Variants in ASMTL observed in about 807,000 individuals in gnomAD.
The protein encoded by ASMTL is probable bifunctional dTTP/UTP pyrophosphatase/methyltransferase protein.
ASMTL carries 57 observed loss-of-function variants against 60.3 expected under a neutral mutation model. That is an observed-to-expected ratio of 0.95 (90% CI 0.76 to 1.18). The LOEUF is 1.18. Among genes scored for constraint, ASMTL ranks in the 50% most tolerant of loss-of-function variants. The probability of loss-of-function intolerance (pLI) is 0.00; values close to 1 mark genes in which losing one functional copy is unlikely to be tolerated. For missense variants in ASMTL, 981 were observed against 852.6 expected (o/e 1.15, Z -1.88); for synonymous variants, 419 against 373.0 (o/e 1.12, Z -1.42).
intron 1 of ASMTL, among the ~76,000 whole-genome samples, chrX:1,451,640 AGG>A (rs1317191435): frequency 8.1e-6 from 1 of 123,164 alleles, no homozygotes. Flanking sequence ...CCCCATCCCT[AGG>A]GGGGTCCCGG....
At chrX:1,434,501 A>AG (rs2090908371) in intron 5 of ASMTL, among the ~76,000 whole-genome samples, 1 of 148,608 alleles carries the variant, frequency 6.7e-6, no homozygotes, top group Admixed American at 6.8e-5. Flanking sequence ...AAAAAAAAAA[A>AG]AAGAAAGAAA....
chrX:1,417,123 GCACA>G, intron 11 of ASMTL, among the ~76,000 whole-genome samples: 1 of 149,948 alleles, frequency 6.7e-6, no homozygotes, highest in Non-Finnish European at 1.5e-5. Context: ...CCAGACACAT[GCACA>G]CAGACACACA....
chrX:1,449,487 C>T (rs2091301235), intron 1 of ASMTL, among the ~76,000 whole-genome samples: 1 of 151,888 alleles, frequency 6.6e-6, no homozygotes, highest in Non-Finnish European at 1.5e-5. Context: ...GTCACTAGGA[C>T]CAGGCATGTG....
At chrX:1,441,434 G>A (rs1161205286) in intron 2 of ASMTL, among the ~76,000 whole-genome samples, 3 of 151,960 alleles carry the variant, frequency 2.0e-5, no homozygotes, top group Admixed American at 6.6e-5. Flanking sequence ...CCGCCACCAC[G>A]CCCAGCTAAT....
chrX:1,419,259 A>G (rs2090407573), intron 9 of ASMTL, 145 bp from the exon 10 acceptor site: 1 of 895,126 alleles, frequency 1.1e-6, no homozygotes, highest in African/African-American at 1.7e-5. Flanking sequence ...GCTTCATGCC[A>G]CAGCTGTGTG....
intron 12 of ASMTL, among the ~76,000 whole-genome samples, chrX:1,411,809 T>A (rs1300469412): frequency 1.3e-4 from 12 of 92,216 alleles, no homozygotes; most frequent in African/African-American, 5.6e-4. Flanking sequence ...GGATTTTCTT[T>A]TTTTTTTTTT....
At chrX:1,415,462 T>C (rs1163421826) in intron 11 of ASMTL, among the ~76,000 whole-genome samples, 2 of 107,980 alleles carry the variant, frequency 1.9e-5, no homozygotes, top group African/African-American at 6.9e-5. Context: ...TCATTATTAT[T>C]ATCATTGTCT....
At chrX:1,404,035 T>C (rs2089697035) in intron 12 of ASMTL, among the ~76,000 whole-genome samples, 1 of 151,548 alleles carries the variant, frequency 6.6e-6, no homozygotes, top group African/African-American at 2.4e-5. Flanking sequence ...GACGGATGGA[T>C]AGATGGATGC....
chrX:1,410,371 A>T (rs1285081658), intron 12 of ASMTL, among the ~76,000 whole-genome samples: 7 of 151,096 alleles, frequency 4.6e-5, no homozygotes, highest in African/African-American at 1.7e-4. Flanking sequence ...ACAACACTGC[A>T]CTCCAGCCTG....
At chrX:1,425,103 T>A (rs1355052347) in intron 8 of ASMTL, among the ~76,000 whole-genome samples, 1 of 152,076 alleles carries the variant, frequency 6.6e-6, no homozygotes, top group East Asian at 1.9e-4. Context: ...CCATCATCTA[T>A]GTATCTGTCA....
intron 9 of ASMTL, among the ~76,000 whole-genome samples, chrX:1,420,597 C>T (rs1439845857): frequency 1.3e-5 from 2 of 152,196 alleles, no homozygotes; most frequent in African/African-American, 4.8e-5. Flanking sequence ...GACCGAGACC[C>T]ACCCATCTGC....
At position 1,452,879 on chromosome X, in the gene ASMTL, C is replaced by A; in HGVS notation, c.-39G>T. On this transcript the variant is annotated 5_prime_UTR_variant, in exon 1 of 13. Coordinates refer to ENST00000381317, the MANE Select transcript of ASMTL (RefSeq NM_004192.4). ...GGAGCCGGGCGTCCGCACTTCTGAG[C>A]CCGGAGCCCGCGGTGCGCGCAGCGC... is the stretch of plus-strand genomic sequence containing the variant. 6.9e-7 allele frequency: 1 copy of A among 1,447,596 alleles called. No individual in the cohort carries two copies. The highest frequency in any genetic ancestry group is 9.2e-7 in the Non-Finnish European group (1 of 1,088,298). The allele number at this position is 1,447,596 out of a possible 1,614,324, so 89.7% of individuals were successfully genotyped here. A position where few individuals can be genotyped will look rare whatever the true frequency, so the allele number is the denominator to read the frequency against.
intron 5 of ASMTL, among the ~76,000 whole-genome samples, chrX:1,434,507 A>AAG (rs2090908787): frequency 6.7e-6 from 1 of 149,278 alleles, no homozygotes; most frequent in African/African-American, 2.5e-5. Context: ...AAAAAAAGAA[A>AAG]GAAAGAAAGA....
intron 11 of ASMTL, 175 bp downstream of exon 11, chrX:1,417,798 T>TGCACACAGAGAGAC (rs1484343122): frequency 8.4e-5 from 21 of 249,242 alleles, no homozygotes; most frequent in African/African-American, 6.2e-4. Context: ...ACCACACACA[T>TGCACACAGAGAGAC]GCACACAGAG....
In ASMTL at chrX:1,403,308, ACCC is replaced by A; in HGVS notation, c.1824_1826del (p.Gly609del). 6.2e-7 allele frequency: 1 copy of A among 1,612,884 alleles called. No homozygotes were observed. The highest frequency in any genetic ancestry group is 1.3e-5 in the African/African-American group (1 of 74,958). The stretch of plus-strand genomic sequence containing the variant: ...TGGTGGCCAAGATGGCATCCAGGAC[ACCC>A]CCCAAGTGCACCACCTGCACCTGGT... On this transcript the variant is annotated inframe_deletion, in exon 13 of 13. Transcript: ENST00000381317.
intron 1 of ASMTL, among the ~76,000 whole-genome samples, chrX:1,449,101 G>C (rs1445493771): frequency 6.6e-6 from 1 of 152,058 alleles, no homozygotes; most frequent in South Asian, 2.1e-4. Flanking sequence ...GAAACATTCC[G>C]AGCCTGCGAT....
chrX:1,428,894 A>C (rs1221785343), intron 6 of ASMTL, among the ~76,000 whole-genome samples: 1 of 145,936 alleles, frequency 6.9e-6, no homozygotes, highest in Non-Finnish European at 1.5e-5. Context: ...TCACTTTTTT[A>C]TTTTTTATTT....
intron 11 of ASMTL, among the ~76,000 whole-genome samples, chrX:1,415,347 C>A (rs1168978983): frequency 6.6e-6 from 1 of 152,184 alleles, no homozygotes; most frequent in Non-Finnish European, 1.5e-5. Context: ...CGTGGATGCC[C>A]ATGAATGCTG....
upstream of ASMTL, among the ~76,000 whole-genome samples, chrX:1,453,142 C>A (rs1178502492): frequency 2.0e-5 from 3 of 151,308 alleles, no homozygotes; most frequent in East Asian, 5.8e-4. Flanking sequence ...GCCCAGACCA[C>A]GCCTCCATTG....
Sources: allele counts gnomAD v4.1 joint callset (sites outside exome capture counted in the v4.1 genomes callset), GRCh38; gene constraint gnomAD v4.1.1; transcripts MANE v1.5; gene names NCBI Gene and HGNC (gene_info 2026-07-23, HGNC 2026-07-21).